The following LRRFIP1 variants were observed in gnomAD, a reference collection of about 807,000 sequenced individuals.
LRRFIP1 encodes the protein leucine-rich repeat flightless-interacting protein 1.
Under a neutral mutation model 104.4 loss-of-function variants are expected in LRRFIP1, and 62 were observed. The observed-to-expected ratio is 0.59, with a 90% CI of 0.48 to 0.73. The LOEUF (loss-of-function observed/expected upper bound fraction) is 0.73, where lower values mean the gene tolerates loss of function less well. LRRFIP1 is among the 30% of genes least tolerant of loss of function. The pLI is 0.00. For synonymous variants in LRRFIP1, 300 were observed against 299.0 expected (o/e 1.00, Z -0.03); for missense variants, 796 against 824.5 (o/e 0.97, Z 0.42).
chr2:237,736,761 A>C (rs1424259400), intron 10 of LRRFIP1, among the ~76,000 whole-genome samples: 1 of 152,208 alleles, frequency 6.6e-6, no homozygotes, highest in Non-Finnish European at 1.5e-5. Flanking sequence ...GCTGCCTAAA[A>C]TAGGGATGGT....
intron 1 of LRRFIP1, among the ~76,000 whole-genome samples, chr2:237,642,480 G>C (rs931759036): frequency 1.3e-5 from 2 of 151,776 alleles, no homozygotes; most frequent in African/African-American, 4.8e-5. Flanking sequence ...AGGGTTTCAG[G>C]TTCCGGGTTC....
rs558833013 is a variant in LRRFIP1 at position 237,649,439 on chromosome 2, G to A, written c.96+21699G>A. On this transcript the variant is annotated intron_variant, in intron 1 of 23. Coordinates refer to ENST00000308482, the MANE Select transcript of LRRFIP1 (RefSeq NM_001137550.2). The surrounding 1 kb of genome is among the most constrained non-coding windows in gnomAD (Gnocchi z 4.1). ...CCAGCTACTGGGGAGGCTGAGGCGG[G>A]AGAATTGCTTGAGCCCAGGACGTGG... 3.9e-4 allele frequency among the ~76,000 whole-genome samples: 60 copies of A among 152,122 alleles called. 2 individuals carry two copies. Among genetic ancestry groups the A allele is most frequent in the Admixed American group, 1.8e-3 (27 of 15,302 alleles).
At chr2:237,642,439 T>TTCCAGGC (rs111328856) in intron 1 of LRRFIP1, among the ~76,000 whole-genome samples, 4,397 of 151,752 alleles carry the variant, frequency 0.029, 81 homozygotes, top group Non-Finnish European at 0.043. Context: ...AGCTTCCGGG[T>TTCCAGGC]TCCAGGCTCC....
intron 5 of LRRFIP1, 99 bp from the exon 6 acceptor site, chr2:237,720,672 GT>G (rs1270247419): frequency 9.7e-7 from 1 of 1,026,116 alleles, no homozygotes; most frequent in African/African-American, 1.6e-5. Context: ...ACTGCTGTGG[GT>G]TGGGGTCAGT....
intron 1 of LRRFIP1, among the ~76,000 whole-genome samples, chr2:237,644,039 A>G (rs575406751): frequency 2.0e-5 from 3 of 152,232 alleles, no homozygotes; most frequent in African/African-American, 7.2e-5. Context: ...TTACTCCTAC[A>G]GTTTTTCCCT....
chr2:237,629,970 T>C (rs4663264), intron 1 of LRRFIP1, among the ~76,000 whole-genome samples: 63,757 of 151,952 alleles, frequency 0.42, 13,672 homozygotes, highest in East Asian at 0.46. Flanking sequence ...TACTCACTCT[T>C]CTCTGGGCCT....
intron 1 of LRRFIP1, among the ~76,000 whole-genome samples, chr2:237,702,820 G>A (rs1205144686): frequency 6.6e-6 from 1 of 152,126 alleles, no homozygotes; most frequent in African/African-American, 2.4e-5. Flanking sequence ...TCTGGGATGG[G>A]ACTCAGCCAA....
chr2:237,731,150 AAAATG>A (rs1412290108), intron 8 of LRRFIP1, among the ~76,000 whole-genome samples: 2 of 152,208 alleles, frequency 1.3e-5, no homozygotes, highest in Non-Finnish European at 2.9e-5. Flanking sequence ...CTGAAATCAG[AAAATG>A]AAATCTATGC....
intron 1 of LRRFIP1, among the ~76,000 whole-genome samples, chr2:237,641,084 G>C (rs1433641061): frequency 1.3e-5 from 2 of 151,996 alleles, no homozygotes; most frequent in Admixed American, 6.6e-5. Context: ...TATTCTGTTT[G>C]GTTTCATCAA....
At chr2:237,635,220 A>G (rs891076897) in intron 1 of LRRFIP1, among the ~76,000 whole-genome samples, 1 of 152,258 alleles carries the variant, frequency 6.6e-6, no homozygotes. Context: ...TTGGTTGTGT[A>G]TAGAGTTCTA....
chr2:237,727,839 A>G (rs748895352), intron 7 of LRRFIP1, 37 bp from the exon 8 acceptor site: 2 of 1,485,612 alleles, frequency 1.3e-6, no homozygotes, highest in South Asian at 1.2e-5. Context: ...TCATTTGTGT[A>G]CTGATGTCAG....
In LRRFIP1 at chr2:237,763,033, G is replaced by A. The variant is rs373166774; in HGVS notation, c.1459+2828G>A. 2.4e-5 allele frequency: 38 copies of A among 1,614,192 alleles called. No homozygotes were observed. The African/African-American group carries it at 3.3e-4, about 14-fold the overall frequency. On this transcript the variant is annotated intron_variant, in intron 19 of 23. Coordinates refer to ENST00000308482, the MANE Select transcript of LRRFIP1 (RefSeq NM_001137550.2). ...AAGAGCAGGCAGGCACAGTGGCCTCGTGTCCTTTAGGGCATAGTGATGACA... is the reference window on the plus strand; with the variant it reads ...AAGAGCAGGCAGGCACAGTGGCCTCATGTCCTTTAGGGCATAGTGATGACA...
intron 19 of LRRFIP1, chr2:237,764,491 A>G: frequency 1.8e-6 from 2 of 1,132,852 alleles, no homozygotes; most frequent in Non-Finnish European, 1.1e-6. Context: ...GACCAAATAT[A>G]TCAGCATCTA....
chr2:237,738,680 C>G (rs1477879220), intron 10 of LRRFIP1, among the ~76,000 whole-genome samples: 1 of 152,176 alleles, frequency 6.6e-6, no homozygotes, highest in Non-Finnish European at 1.5e-5. Flanking sequence ...TGAGAAAGTT[C>G]AGGTAAATGG....
At chr2:237,765,103 A>T (rs1436252860) in intron 19 of LRRFIP1, 2 of 420,928 alleles carry the variant, frequency 4.8e-6, no homozygotes, top group Non-Finnish European at 6.3e-6. Context: ...CTCTACTAAA[A>T]ATACAAAAAA....
chr2:237,700,866 A>C (rs914563698), intron 1 of LRRFIP1, among the ~76,000 whole-genome samples: 1 of 152,136 alleles, frequency 6.6e-6, no homozygotes, highest in Non-Finnish European at 1.5e-5. Flanking sequence ...GGGCCTTCTC[A>C]GCCTGGGTGG....
intron 1 of LRRFIP1, among the ~76,000 whole-genome samples, chr2:237,687,912 C>T (rs2092491228): frequency 6.6e-6 from 1 of 152,206 alleles, no homozygotes; most frequent in Non-Finnish European, 1.5e-5. Context: ...GTGAACCTTG[C>T]AACAGACTAA....
intron 16 of LRRFIP1, among the ~76,000 whole-genome samples, chr2:237,756,663 C>T (rs546261894): frequency 6.6e-6 from 1 of 152,332 alleles, no homozygotes; most frequent in South Asian, 2.1e-4. Context: ...GGCTAACTCT[C>T]CATCCCTAGA....
At chr2:237,637,013 CAT>C (rs2083212455) in intron 1 of LRRFIP1, among the ~76,000 whole-genome samples, 1 of 152,208 alleles carries the variant, frequency 6.6e-6, no homozygotes, top group East Asian at 1.9e-4. Context: ...TAATCTGAGA[CAT>C]ACACCAGGGA....
Sources: gnomAD v4.1 joint callset for allele counts (sites outside exome capture counted in the v4.1 genomes callset) on GRCh38, gnomAD v4.1.1 for gene constraint, Gnocchi (gnomAD v3.1) non-coding constraint, MANE v1.5 for transcripts, NCBI Gene and HGNC (gene_info 2026-07-23, HGNC 2026-07-21) for gene names.